The following ANO4 variants were observed in gnomAD, a reference collection of about 807,000 sequenced individuals.
The protein encoded by ANO4 is anoctamin-4.
A neutral mutation model predicts 141.9 loss-of-function variants in ANO4; 69 were observed. That is an observed-to-expected ratio of 0.49 (90% CI 0.40 to 0.59). The LOEUF is 0.59. ANO4 is among the 20% of genes least tolerant of loss of function. ANO4 has a pLI of 0.00. For synonymous variants in ANO4, 350 were observed against 394.3 expected, an observed-to-expected ratio of 0.89 and a Z score of 1.33; for missense variants, 894 against 1,162.2, an observed-to-expected ratio of 0.77 and a Z score of 3.36.
intron 3 of ANO4, among the ~76,000 whole-genome samples, chr12:100,923,371 G>A (rs2041722143): frequency 6.7e-6 from 1 of 148,710 alleles, no homozygotes; most frequent in South Asian, 2.1e-4. Context: ...CCACCTATGA[G>A]TGAGAACATG....
At chr12:100,923,295 C>T (rs1476546052) in intron 3 of ANO4, among the ~76,000 whole-genome samples, 1 of 150,656 alleles carries the variant, frequency 6.6e-6, no homozygotes, top group Non-Finnish European at 1.5e-5. Flanking sequence ...CAGCCCCCCA[C>T]CCTACGACAG....
intron 14 of ANO4, among the ~76,000 whole-genome samples, chr12:101,072,985 G>A (rs1045368386): frequency 4.6e-5 from 7 of 152,056 alleles, no homozygotes; most frequent in Non-Finnish European, 7.4e-5. Context: ...CACTGTTCAT[G>A]GGAGTGTAAA....
Position 100,819,303 on chromosome 12 carries a change from C to T in ANO4, c.-141+24276C>T, listed in dbSNP as rs567598114. On this transcript the variant is annotated intron_variant, in intron 1 of 27. Transcript: ENST00000392977. Reference sequence around the variant, plus strand: ...CAGTAGATTAAAATATTTATTCTTTCAGTAAAGGGACAGTTTACCAATGCT... The same window carrying T: ...CAGTAGATTAAAATATTTATTCTTTTAGTAAAGGGACAGTTTACCAATGCT... 1.7e-4 allele frequency among the ~76,000 whole-genome samples: 26 copies of T among 151,768 alleles called. No homozygotes were observed. The South Asian group carries it at 5.2e-3, about 30-fold the overall frequency.
intron 3 of ANO4, among the ~76,000 whole-genome samples, chr12:100,776,582 A>T (rs894184668): frequency 6.6e-6 from 1 of 152,218 alleles, no homozygotes; most frequent in Non-Finnish European, 1.5e-5. Context: ...GAGCAAGAGT[A>T]ACTTTTAATG....
chr12:100,739,888 T>A (rs1474872038), exon 3 of ANO4: 2 of 702,448 alleles, frequency 2.8e-6, no homozygotes, highest in Non-Finnish European at 5.2e-6. Flanking sequence ...CAATTGGGCT[T>A]ACCCACTGGA....
intron 5 of ANO4, among the ~76,000 whole-genome samples, chr12:100,963,816 C>T (rs777331610): frequency 6.6e-6 from 1 of 152,094 alleles, no homozygotes; most frequent in Non-Finnish European, 1.5e-5. Context: ...CCAGAAACAT[C>T]AAGGAATTCT....
chr12:101,004,565 G>A (rs1455912277), intron 8 of ANO4, among the ~76,000 whole-genome samples: 3 of 152,190 alleles, frequency 2.0e-5, no homozygotes, highest in South Asian at 2.1e-4. Flanking sequence ...GAGACAGACA[G>A]CAATGCAGAA....
chr12:100,875,595 A>G lies in ANO4; in HGVS notation c.-140-26051A>G, dbSNP rs182330358. On this transcript the variant is annotated intron_variant, in intron 1 of 27. Transcript: ENST00000392977. ...AACAGCCTCATTCACCCAATTTCCT[A>G]TTGACAAATATTTATTGTTCTCCTG... Among the ~76,000 whole-genome samples the G allele has an allele frequency of 2.6e-5, 4 of 152,346 alleles. No individual in the cohort carries two copies. In the East Asian group the frequency reaches 7.7e-4, roughly 29 times the overall value.
chr12:100,987,745 G>A (rs116965114), intron 8 of ANO4, 75 bp downstream of exon 8: 48,360 of 1,565,858 alleles, frequency 0.031, 1,006 homozygotes, highest in South Asian at 0.08. Context: ...GCACGCCTTT[G>A]ATTCCTGGGC....
chr12:101,100,866 G>A (rs930651346), intron 22 of ANO4, among the ~76,000 whole-genome samples: 1 of 152,202 alleles, frequency 6.6e-6, no homozygotes, highest in African/African-American at 2.4e-5. Context: ...GTATATAAGT[G>A]TAGAGACCAA....
chr12:100,968,203 A>G (rs2043762896), intron 5 of ANO4, among the ~76,000 whole-genome samples: 1 of 152,228 alleles, frequency 6.6e-6, no homozygotes, highest in African/African-American at 2.4e-5. Flanking sequence ...ATCCCACGTC[A>G]GAATTTTAGT....
At chr12:101,044,261 C>T (rs1299105446) in intron 13 of ANO4, among the ~76,000 whole-genome samples, 1 of 152,142 alleles carries the variant, frequency 6.6e-6, no homozygotes, top group Non-Finnish European at 1.5e-5. Context: ...CCTCTCTGTC[C>T]TACCCTATTG....
intron 1 of ANO4, among the ~76,000 whole-genome samples, chr12:100,796,726 C>T (rs956052170): frequency 4.6e-5 from 7 of 152,052 alleles, no homozygotes; most frequent in South Asian, 2.1e-4. Context: ...TTGTGGTTCG[C>T]GGCAATACTG....
Position 101,096,594 on chromosome 12 carries a change from T to C in ANO4, c.1797T>C (p.Phe599=), listed in dbSNP as rs2049992963. 6.2e-7 allele frequency: 1 copy of C among 1,613,650 alleles called. No individual in the cohort carries two copies. Residue 599 remains phenylalanine, a synonymous_variant, in exon 19 of 28, where the codon TTT becomes TTC. Transcript: ENST00000392977. ...GCTTCACCCTGAAAATGTTTCTTTT[T>C]CAGTTTGTCAATCTGAACAGCTCCA... ...ENSFTLKMFL[F]QFVNLNSSTF... is the part of the protein sequence containing the mutation.
chr12:100,797,114 T>TTA (rs1159716256), intron 1 of ANO4, among the ~76,000 whole-genome samples: 2 of 142,486 alleles, frequency 1.4e-5, no homozygotes, highest in Admixed American at 7.2e-5. Flanking sequence ...GTGCAATTGT[T>TTA]TATATATATG....
At position 101,099,831 on chromosome 12, in the gene ANO4, A is replaced by C. The variant is rs183644674; in HGVS notation, c.2149+111A>C. On this transcript the variant is annotated intron_variant, in intron 22 of 27. Transcript: ENST00000392977. Reference sequence around the variant, plus strand: ...AGGTCCTCAGTGCGTAGGGATTCCTAAGGCAAACAGAGAGGAAGGCATGTC... The same window carrying C: ...AGGTCCTCAGTGCGTAGGGATTCCTCAGGCAAACAGAGAGGAAGGCATGTC... The C allele has an allele frequency of 4.7e-3, 3,984 of 851,342 alleles. 14 individuals are homozygous for C. Among genetic ancestry groups the C allele is most frequent in the Non-Finnish European group, 5.9e-3 (3,544 of 602,626 alleles). 52.7% of individuals were successfully genotyped at this position (851,342 alleles called of 1,614,324 possible). A position where few individuals can be genotyped will look rare whatever the true frequency, so the allele number is the denominator to read the frequency against.
chr12:100,997,663 A>G (rs1286741352), intron 8 of ANO4, among the ~76,000 whole-genome samples: 1 of 152,128 alleles, frequency 6.6e-6, no homozygotes, highest in African/African-American at 2.4e-5. Flanking sequence ...ATAAACTAGA[A>G]AATTGGCCTT....
chr12:101,094,108 A>G (rs1405923578), intron 17 of ANO4, 148 bp from the exon 18 acceptor site: 15 of 620,474 alleles, frequency 2.4e-5, no homozygotes, highest in Non-Finnish European at 3.6e-5. Context: ...AGAGTCTGAG[A>G]TTTCTATACA....
intron 9 of ANO4, among the ~76,000 whole-genome samples, chr12:101,021,840 G>A (rs1205506772): frequency 6.6e-6 from 1 of 151,908 alleles, no homozygotes; most frequent in Admixed American, 6.6e-5. Flanking sequence ...GAATAGAAAA[G>A]GAAGTACATA....
Sources: gnomAD v4.1 joint callset for allele counts (sites outside exome capture counted in the v4.1 genomes callset) on GRCh38, gnomAD v4.1.1 for gene constraint, MANE v1.5 for transcripts, NCBI Gene and HGNC (gene_info 2026-07-23, HGNC 2026-07-21) for gene names.